The following MDN1 variants were observed in gnomAD, a reference collection of about 807,000 sequenced individuals.
MDN1 encodes midasin.
A neutral mutation model predicts 669.2 loss-of-function variants in MDN1; 266 were observed. The observed-to-expected ratio is 0.40, with a 90% confidence interval of 0.36 to 0.44. The LOEUF (loss-of-function observed/expected upper bound fraction) is 0.44. Ranked by LOEUF, MDN1 falls within the 20% of genes least tolerant of loss-of-function variation. MDN1 has a pLI of 1.00. For synonymous variants in MDN1, 2,385 were observed against 2,457.1 expected (o/e 0.97, Z 0.87); for missense variants, 5,940 against 6,754.0 (o/e 0.88, Z 4.22).
chr6:89,748,642 T>C (rs1024585263), intron 26 of MDN1, among the ~76,000 whole-genome samples: 1 of 151,970 alleles, frequency 6.6e-6, no homozygotes, highest in African/African-American at 2.4e-5. Flanking sequence ...ACAAAATGCT[T>C]CAATATTATA....
chr6:89,805,536 C>A (rs1043060181), intron 1 of MDN1, among the ~76,000 whole-genome samples: 7 of 152,036 alleles, frequency 4.6e-5, no homozygotes, highest in Non-Finnish European at 1.0e-4. Context: ...ACAGTTAAAG[C>A]CCTGTCTCCC....
At position 89,674,851 on chromosome 6, in the gene MDN1, T is replaced by C. The variant is rs189328703; in HGVS notation, c.12762-262A>G. 1.1e-4 allele frequency among the ~76,000 whole-genome samples: 16 copies of C among 152,338 alleles called. No homozygotes were observed. In the East Asian group the frequency reaches 3.1e-3, roughly 29 times the overall value. On this transcript the variant is annotated intron_variant, in intron 78 of 101. Transcript: ENST00000369393. ...AACTAGCATTATCTAGTAAATGTGC[T>C]GTACTTTGCTAAATAAACCCTAATG...
At chr6:89,744,737 GCCA>G (rs1409511462) in intron 29 of MDN1, among the ~76,000 whole-genome samples, 2 of 151,834 alleles carry the variant, frequency 1.3e-5, no homozygotes, top group Non-Finnish European at 2.9e-5. Flanking sequence ...TTAAAAATTA[GCCA>G]AGTGTGGTGG....
chr6:89,693,038 T>TG lies in MDN1; in HGVS notation c.9991dup (p.His3331ProfsTer87). On this transcript the variant is annotated frameshift_variant, in exon 63 of 102. Transcript: ENST00000369393. LOFTEE classifies it high-confidence loss of function. Reference sequence around the variant, plus strand: ...CTTGGCGATGCTGGTGACGTAGTGGTGGATCTCCTGAACCAGGGACTCGTA... The same window carrying TG: ...CTTGGCGATGCTGGTGACGTAGTGGTGGGATCTCCTGAACCAGGGACTCGTA... 1 of 1,614,110 alleles carries TG rather than the reference T, an allele frequency of 6.2e-7. No individual in the cohort carries two copies. The highest frequency in any genetic ancestry group is 8.5e-7 in the Non-Finnish European group (1 of 1,180,016).
At chr6:89,806,425 T>C (rs2128330102) in intron 1 of MDN1, among the ~76,000 whole-genome samples, 1 of 152,058 alleles carries the variant, frequency 6.6e-6, no homozygotes, top group East Asian at 1.9e-4. Context: ...AATTAAAAAT[T>C]AGCTGGTGTG....
rs1436362606 is a variant in MDN1 at position 89,688,312 on chromosome 6, A to G, written c.11260-139T>C. On this transcript the variant is annotated intron_variant, in intron 66 of 101. Transcript: ENST00000369393. ...CCTCTGAAAAAAAAAACAGAGCAAC[A>G]TGGCAGCATTTTATTATGTGGTCAG... 3.7e-6 allele frequency: 3 copies of G among 808,218 alleles called. No individual in the cohort carries two copies. In the East Asian group the frequency reaches 7.6e-5, roughly 21 times the overall value. The allele number at this position is 808,218 out of a possible 1,614,324, so 50.1% of individuals were successfully genotyped here.
At position 89,643,233 on chromosome 6, in the gene MDN1, G is replaced by A. The variant is rs773597726; in HGVS notation, c.*772C>T. 6.6e-6 allele frequency: 1 copy of A among 152,056 alleles called. No individual in the cohort carries two copies. The highest frequency in any genetic ancestry group is 3.4e-3 in the Middle Eastern group (1 of 294). 9.4% of individuals were successfully genotyped at this position (152,056 alleles called of 1,614,324 possible). The stretch of plus-strand genomic sequence containing the variant: ...CTTGACTGTTAAGAAAAAAAAAAAT[G>A]AACTAAACAAATAAATTACTACAAC... On this transcript the variant is annotated 3_prime_UTR_variant, in exon 102 of 102. Coordinates refer to ENST00000369393, the MANE Select transcript of MDN1 (RefSeq NM_014611.3).
chr6:89,683,227 T>A lies in MDN1; in HGVS notation c.12007A>T (p.Arg4003Trp). 1 of 1,614,160 alleles carries A rather than the reference T, an allele frequency of 6.2e-7. No individual in the cohort carries two copies. Among genetic ancestry groups the A allele is most frequent in the Non-Finnish European group, 8.5e-7 (1 of 1,180,012 alleles). Residue 4003 changes from arginine to tryptophan, a missense_variant, in exon 73 of 102, where the codon AGG becomes TGG. Physicochemically the swap from Arg to Trp is moderately radical, Grantham distance 101. Around this residue, in one of 5 missense-constraint regions of MDN1, gnomAD observed 2,280 missense variants for 2,576.3 expected, o/e 0.88. Coordinates refer to ENST00000369393, the MANE Select transcript of MDN1 (RefSeq NM_014611.3). ...TCACTTGCAGCTCCATCTGTTGGCC[T>A]GGGCAAAAAGTCAGGCTGTTCTTCC... ...DKEEQPDFLP[R>W]PTDGAASELS...
At chr6:89,797,669 T>G (rs915951786) in intron 2 of MDN1, 1 of 482,474 alleles carries the variant, frequency 2.1e-6, no homozygotes, top group Admixed American at 2.3e-5. Flanking sequence ...TAAAACAAGT[T>G]TTTCAAAGTC....
Position 89,687,450 on chromosome 6 carries a change from A to C in MDN1, c.11356-12T>G. On this transcript the variant is annotated splice_polypyrimidine_tract_variant and intron_variant, in intron 67 of 101. Transcript: ENST00000369393. ...TTTTCCTCCCAATCCTAAAGAAACA[A>C]AGATAAAATTTACTACAGATATTAT... 2 of 1,610,042 alleles carry C rather than the reference A, an allele frequency of 1.2e-6. No individual in the cohort carries two copies. Among genetic ancestry groups the C allele is most frequent in the Non-Finnish European group, 1.7e-6 (2 of 1,176,698 alleles).
Position 89,700,707 on chromosome 6 carries a change from T to A in MDN1, c.8577A>T (p.Lys2859Asn), listed in dbSNP as rs1196451842. The A allele has an allele frequency of 5.0e-6, 8 of 1,614,092 alleles. No homozygotes were observed. The highest frequency in any genetic ancestry group is 2.2e-5 in the South Asian group (2 of 91,088). The stretch of plus-strand genomic sequence containing the variant: ...TCAGTCCCCAGGCTTGCAGGAGACT[T>A]TTCTTTAATGTCCACTGAGAAGCAA... ...QVVASQWTLK[K>N]SLLQAWGLIL... The change falls in exon 56 of 102, where the codon AAA becomes AAT. Residue 2859 changes from lysine (K) to asparagine (N), a missense_variant. Physicochemically the swap from Lys to Asn is moderately conservative, Grantham distance 94. Around this residue, in one of 5 missense-constraint regions of MDN1, gnomAD observed 2,292 missense variants for 2,638.3 expected, o/e 0.87. Transcript: ENST00000369393.
chr6:89,750,916 G>GT (rs11407843), intron 23 of MDN1, among the ~76,000 whole-genome samples: 125,962 of 148,742 alleles, frequency 0.85, 53,389 homozygotes, highest in African/African-American at 0.91. Flanking sequence ...TATTATTTTG[G>GT]TTTTTTTTTT....
chr6:89,811,680 G>C (rs747729796), intron 1 of MDN1, among the ~76,000 whole-genome samples: 1 of 151,984 alleles, frequency 6.6e-6, no homozygotes, highest in Non-Finnish European at 1.5e-5. Flanking sequence ...TCTTGACCTC[G>C]TGATCTGCCC....
intron 3 of MDN1, 133 bp downstream of exon 3, chr6:89,794,443 TA>T: frequency 1.2e-6 from 1 of 868,136 alleles, no homozygotes; most frequent in Non-Finnish European, 1.8e-6. Context: ...AGAAAGGAAG[TA>T]AAACCCCAAA....
At chr6:89,719,082 A>G (rs2128313241) in intron 41 of MDN1, 52 bp from the exon 42 acceptor site, 1 of 1,613,238 alleles carries the variant, frequency 6.2e-7, no homozygotes, top group Non-Finnish European at 8.5e-7. Context: ...TAGTGGGAGC[A>G]GAAGAAACCA....
chr6:89,817,384 A>C (rs940799814), intron 1 of MDN1, among the ~76,000 whole-genome samples: 12 of 152,286 alleles, frequency 7.9e-5, no homozygotes, highest in Admixed American at 4.6e-4. Flanking sequence ...TTTACTGCCT[A>C]CTGCATATCA....
At chr6:89,760,370 C>A (rs1397896256) in intron 17 of MDN1, among the ~76,000 whole-genome samples, 1 of 152,212 alleles carries the variant, frequency 6.6e-6, no homozygotes, top group African/African-American at 2.4e-5. Flanking sequence ...CATCCACACA[C>A]TCTTTCCCCG....
intron 2 of MDN1, among the ~76,000 whole-genome samples, chr6:89,797,049 C>T (rs1231102432): frequency 6.6e-6 from 1 of 151,262 alleles, no homozygotes; most frequent in African/African-American, 2.4e-5. Flanking sequence ...GCATGGGCAA[C>T]AAGAGTGAAA....
chr6:89,776,723 A>G, intron 11 of MDN1, 28 bp from the exon 12 acceptor site: 2 of 1,447,750 alleles, frequency 1.4e-6, no homozygotes, highest in Non-Finnish European at 1.9e-6. Context: ...GTAAATGCTG[A>G]CTGATTTTTA....
Sources: gnomAD v4.1 joint callset for allele counts (sites outside exome capture counted in the v4.1 genomes callset) on GRCh38, gnomAD v4.1.1 for gene constraint, gnomAD v4.1.1 regional missense constraint, MANE v1.5 for transcripts, NCBI Gene and HGNC (gene_info 2026-07-23, HGNC 2026-07-21) for gene names.